ITCH: variants seen among roughly 807,000 people sequenced by gnomAD.
ITCH encodes E3 ubiquitin-protein ligase Itchy homolog.
A neutral mutation model predicts 126.8 loss-of-function variants in ITCH; 28 were observed. That is an observed-to-expected ratio of 0.22 (90% CI 0.16 to 0.30). ITCH has a LOEUF of 0.30. Among genes scored for constraint, ITCH ranks in the 10% least tolerant of loss-of-function variants. The pLI, the probability that ITCH is intolerant of heterozygous loss-of-function variation, is 1.00. For missense variants in ITCH, 631 were observed against 1,032.4 expected (o/e 0.61, Z 5.33); for synonymous variants, 342 against 340.0 (o/e 1.01, Z -0.06).
Position 34,511,531 on chromosome 20 carries a change from A to G in ITCH, c.*3737A>G, listed in dbSNP as rs993877988. ...TTTTTTAAGTGGCAAGTTACAGCCCATCTGGATTGTGGTATTGTTCCCAGA... is the reference window on the plus strand; with the variant it reads ...TTTTTTAAGTGGCAAGTTACAGCCCGTCTGGATTGTGGTATTGTTCCCAGA... On this transcript the variant is annotated 3_prime_UTR_variant, in exon 25 of 25. Transcript: ENST00000374864. The G allele has an allele frequency of 6.6e-6, 1 of 152,190 alleles. No individual in the cohort carries two copies. Among genetic ancestry groups the G allele is most frequent in the South Asian group, 2.1e-4 (1 of 4,826 alleles). The allele number at this position is 152,190 out of a possible 1,614,324, so 9.4% of individuals were successfully genotyped here.
rs746831099 is a variant in ITCH at position 34,489,104 on chromosome 20, G to C, written c.2094-162G>C. On this transcript the variant is annotated intron_variant, in intron 20 of 24. Transcript: ENST00000374864. ...GAGTAGGGGCATAGATGAAATAGAT[G>C]GGCATTGTGATGAAGCTTGGACATG... Among the ~76,000 whole-genome samples the C allele has an allele frequency of 1.2e-4, 19 of 152,176 alleles. 1 individual carries two copies. Among genetic ancestry groups the C allele is most frequent in the Non-Finnish European group, 2.5e-4 (17 of 68,024 alleles).
chr20:34,482,692 G>A (rs970407917), intron 20 of ITCH, among the ~76,000 whole-genome samples: 1 of 152,168 alleles, frequency 6.6e-6, no homozygotes. Context: ...CCAGTCTCAT[G>A]CTGCAAGCTG....
At chr20:34,450,705 A>C (rs1985088241) in intron 12 of ITCH, among the ~76,000 whole-genome samples, 1 of 152,194 alleles carries the variant, frequency 6.6e-6, no homozygotes, top group South Asian at 2.1e-4. Flanking sequence ...ATACTTCATA[A>C]TATTGGGATA....
At chr20:34,372,817 C>T (rs2037692027) in intron 2 of ITCH, among the ~76,000 whole-genome samples, 1 of 152,146 alleles carries the variant, frequency 6.6e-6, no homozygotes, top group Non-Finnish European at 1.5e-5. Flanking sequence ...AAATATAAAA[C>T]TCCTGGTTTA....
Position 34,449,425 on chromosome 20 carries a change from T to C in ITCH, c.1155T>C (p.Phe385=), listed in dbSNP as rs1242224704. ...QRFIYGNQDL[F]ATSQSKEFDP... ...GTTCTTTTTAGAATCAAGATTTATT[T>C]GCTACATCACAAAGTAAAGAATTTG... is the stretch of plus-strand genomic sequence containing the variant. The change falls in exon 12 of 25, where the codon TTT becomes TTC. Residue 385 remains phenylalanine, a synonymous_variant. Transcript: ENST00000374864. 3 of 1,609,642 alleles carry C rather than the reference T, an allele frequency of 1.9e-6. No individual in the cohort carries two copies. Among genetic ancestry groups the C allele is most frequent in the East Asian group, 4.5e-5 (2 of 44,812 alleles).
chr20:34,503,870 G>GT (rs1312659165), intron 23 of ITCH, among the ~76,000 whole-genome samples: 733 of 55,926 alleles, frequency 0.013, 9 homozygotes, highest in South Asian at 0.016. Flanking sequence ...TTTTTTTTTG[G>GT]TTTTTTTTTT....
chr20:34,404,832 C>T (rs1052060198), intron 3 of ITCH, among the ~76,000 whole-genome samples: 2 of 152,072 alleles, frequency 1.3e-5, no homozygotes, highest in Non-Finnish European at 2.9e-5. Context: ...TGCTCCTCCA[C>T]CCCCATGTAA....
At chr20:34,402,440 A>G in intron 3 of ITCH, 1 of 770,732 alleles carries the variant, frequency 1.3e-6, no homozygotes, top group East Asian at 2.4e-5. Flanking sequence ...CACATTTTCA[A>G]ATGAAAATGG....
At chr20:34,372,362 A>C in intron 2 of ITCH, among the ~76,000 whole-genome samples, 1 of 142,274 alleles carries the variant, frequency 7.0e-6, no homozygotes, top group Non-Finnish European at 1.5e-5. Flanking sequence ...ATAAATGAGA[A>C]ACCATGTTAT....
At chr20:34,488,932 G>A (rs915260190) in intron 20 of ITCH, among the ~76,000 whole-genome samples, 3 of 152,110 alleles carry the variant, frequency 2.0e-5, no homozygotes, top group Non-Finnish European at 2.9e-5. Flanking sequence ...CCAGCTACTC[G>A]GGAGGCCGAG....
chr20:34,483,617 T>G (rs1260841274), intron 20 of ITCH, among the ~76,000 whole-genome samples: 1 of 152,242 alleles, frequency 6.6e-6, no homozygotes, highest in Non-Finnish European at 1.5e-5. Flanking sequence ...ATTGTCCATA[T>G]TGCTGTCAGC....
chr20:34,427,189 TATG>T (rs1981652361), intron 7 of ITCH, among the ~76,000 whole-genome samples: 1 of 152,248 alleles, frequency 6.6e-6, no homozygotes, highest in African/African-American at 2.4e-5. Context: ...TTCACATTCT[TATG>T]ATGAAGAATC....
At chr20:34,403,012 T>G (rs188135759) in intron 3 of ITCH, among the ~76,000 whole-genome samples, 100 of 149,160 alleles carry the variant, frequency 6.7e-4, no homozygotes, top group African/African-American at 2.3e-3. Context: ...TATACTTATG[T>G]TTTTTTTTTA....
At chr20:34,475,456 C>A (rs1025530436) in intron 16 of ITCH, among the ~76,000 whole-genome samples, 3 of 152,198 alleles carry the variant, frequency 2.0e-5, no homozygotes, top group African/African-American at 4.8e-5. Context: ...AGCTGGAGAC[C>A]GGCCCGGCCA....
Position 34,489,762 on chromosome 20 carries a change from A to T in ITCH, c.2215-60A>T, listed in dbSNP as rs961663133. Reference sequence around the variant, plus strand: ...GCTTTGCTTAATCTTAGTCTTTCCTATGTCCAGCTGTTTTTGTACAGTTAC... The same window carrying T: ...GCTTTGCTTAATCTTAGTCTTTCCTTTGTCCAGCTGTTTTTGTACAGTTAC... On this transcript the variant is annotated intron_variant, in intron 21 of 24. Transcript: ENST00000374864. The T allele has an allele frequency of 5.5e-6, 6 of 1,098,302 alleles. No homozygotes were observed. The South Asian group carries it at 7.4e-5, about 14-fold the overall frequency. 68.0% of individuals were successfully genotyped at this position (1,098,302 alleles called of 1,614,324 possible).
intron 14 of ITCH, 29 bp from the exon 15 acceptor site, chr20:34,470,019 A>G (rs377584579): frequency 1.4e-4 from 218 of 1,571,462 alleles, no homozygotes; most frequent in Non-Finnish European, 1.8e-4. Flanking sequence ...GCAGCTATAT[A>G]TGTCCTGTTA....
chr20:34,498,747 A>G lies in ITCH; in HGVS notation c.2417-5584A>G, dbSNP rs981677158. Among the ~76,000 whole-genome samples the G allele has an allele frequency of 5.3e-5, 8 of 151,790 alleles. No homozygotes were observed. The East Asian group carries it at 1.5e-3, about 29-fold the overall frequency. ...TTTTGCATCTGTGTTCATCAAGGAT[A>G]TTGGCCTATAGTTTTCTTTTCTTTT... On this transcript the variant is annotated intron_variant, in intron 23 of 24. Transcript: ENST00000374864.
In ITCH at chr20:34,393,627, G is replaced by A. The variant is rs1300734023; in HGVS notation, c.-21-164G>A. ...GGGATGAACAGCCATGTCAGATTTT[G>A]CCAATAAGTTAGGTAGGATAAAGAC... On this transcript the variant is annotated intron_variant, in intron 2 of 24. Coordinates refer to ENST00000374864, the MANE Select transcript of ITCH (RefSeq NM_031483.7). The A allele has an allele frequency of 9.2e-6, 6 of 652,440 alleles. No homozygotes were observed. In the Admixed American group the frequency reaches 1.2e-4, roughly 13 times the overall value. 40.4% of individuals were successfully genotyped at this position (652,440 alleles called of 1,614,324 possible).
Position 34,408,793 on chromosome 20 carries a change from G to A in ITCH, c.212+1G>A. On this transcript the variant is annotated splice_donor_variant, in intron 4 of 24. Coordinates refer to ENST00000374864, the MANE Select transcript of ITCH (RefSeq NM_031483.7). LOFTEE classifies it high-confidence loss of function. ...CCAAGTGGAAGCAACCCCTTACAGT[G>A]TAAGCTTGGAAGTATTTTTCTGTAG... 6.2e-7 allele frequency: 1 copy of A among 1,613,698 alleles called. No individual in the cohort carries two copies. Among genetic ancestry groups the A allele is most frequent in the Non-Finnish European group, 8.5e-7 (1 of 1,179,794 alleles).
Sources: allele counts gnomAD v4.1 joint callset (sites outside exome capture counted in the v4.1 genomes callset), GRCh38; gene constraint gnomAD v4.1.1; transcripts MANE v1.5; gene names NCBI Gene and HGNC (gene_info 2026-07-23, HGNC 2026-07-21).